The following NTM variants were observed in gnomAD, a reference collection of about 807,000 sequenced individuals.
The protein encoded by NTM is IgLON family member 2.
In NTM, 13 loss-of-function variants were observed where a neutral mutation model predicts 42.1. The observed-to-expected ratio is 0.31, with a 90% CI of 0.20 to 0.49. The LOEUF (loss-of-function observed/expected upper bound fraction) is 0.49, where lower values mean the gene tolerates loss of function less well. NTM is among the 20% of genes least tolerant of loss of function. The pLI is 0.99. For synonymous variants in NTM, 187 were observed against 179.2 expected (o/e 1.04, Z -0.35); for missense variants, 373 against 452.8 (o/e 0.82, Z 1.60).
intron 1 of NTM, among the ~76,000 whole-genome samples, chr11:131,714,614 G>A (rs1034337057): frequency 2.8e-4 from 43 of 152,278 alleles, no homozygotes; most frequent in African/African-American, 8.7e-4. Context: ...CATTCCTGCC[G>A]TAGGGAGTCC....
chr11:131,710,660 A>C (rs1401544346), intron 1 of NTM, among the ~76,000 whole-genome samples: 1 of 152,222 alleles, frequency 6.6e-6, no homozygotes, highest in African/African-American at 2.4e-5. Context: ...GTTGTAAAAA[A>C]AATGCAGACT....
At chr11:132,326,131 AC>A (rs1301434865) in intron 7 of NTM, among the ~76,000 whole-genome samples, 1 of 152,164 alleles carries the variant, frequency 6.6e-6, no homozygotes, top group Non-Finnish European at 1.5e-5. Context: ...ACAAACCTGC[AC>A]ATTGTGCACA....
chr11:131,725,685 G>A (rs1173575973), intron 1 of NTM, among the ~76,000 whole-genome samples: 2 of 152,220 alleles, frequency 1.3e-5, no homozygotes, highest in Non-Finnish European at 2.9e-5. Context: ...GGGAAGCAAT[G>A]CACCTATAGG....
chr11:131,426,905 C>G (rs1482496425), intron 1 of NTM, among the ~76,000 whole-genome samples: 2 of 152,134 alleles, frequency 1.3e-5, no homozygotes, highest in Non-Finnish European at 2.9e-5. Flanking sequence ...GACTTTCTCT[C>G]CAGCCTTAGA....
chr11:131,970,895 T>C (rs2063445545), intron 2 of NTM, among the ~76,000 whole-genome samples: 1 of 152,220 alleles, frequency 6.6e-6, no homozygotes. Flanking sequence ...ACCAAAGCGT[T>C]TCATAAATTT....
intron 1 of NTM, among the ~76,000 whole-genome samples, chr11:131,507,870 G>A (rs1446992874): frequency 1.3e-5 from 2 of 151,556 alleles, no homozygotes; most frequent in Non-Finnish European, 2.9e-5. Flanking sequence ...TCTGTTGTTG[G>A]TGTATAAGAA....
intron 4 of NTM, among the ~76,000 whole-genome samples, chr11:132,252,030 G>C (rs2091992670): frequency 6.6e-6 from 1 of 152,140 alleles, no homozygotes; most frequent in African/African-American, 2.4e-5. Context: ...GTGGCCTTCT[G>C]TTTGGAATGT....
At chr11:131,829,329 G>A (rs2042522369) in intron 1 of NTM, among the ~76,000 whole-genome samples, 1 of 151,990 alleles carries the variant, frequency 6.6e-6, no homozygotes, top group Non-Finnish European at 1.5e-5. Flanking sequence ...ATCAACCTTT[G>A]TACCCCTCCC....
chr11:132,189,087 G>A (rs910227335), intron 3 of NTM, among the ~76,000 whole-genome samples: 2 of 152,190 alleles, frequency 1.3e-5, no homozygotes, highest in African/African-American at 4.8e-5. Flanking sequence ...TGGTGCTGAT[G>A]TTTGATAGTG....
intron 1 of NTM, among the ~76,000 whole-genome samples, chr11:131,521,205 C>T (rs2049612551): frequency 1.3e-5 from 2 of 151,148 alleles, no homozygotes; most frequent in Admixed American, 1.3e-4. Context: ...GTCCCAGCTA[C>T]TTGGGAGGCT....
chr11:131,718,918 G>C (rs1180066550), intron 1 of NTM, among the ~76,000 whole-genome samples: 1 of 152,080 alleles, frequency 6.6e-6, no homozygotes, highest in Non-Finnish European at 1.5e-5. Flanking sequence ...CCTGGTATCA[G>C]TGTCTTGAAA....
intron 1 of NTM, among the ~76,000 whole-genome samples, chr11:131,710,359 G>A (rs1023622811): frequency 5.3e-5 from 8 of 152,204 alleles, no homozygotes; most frequent in Middle Eastern, 3.4e-3. Flanking sequence ...AATATTTAAG[G>A]TGATGCCTCC....
chr11:132,101,556 T>TGTATG, intron 2 of NTM, among the ~76,000 whole-genome samples: 1 of 131,150 alleles, frequency 7.6e-6, no homozygotes, highest in Admixed American at 8.0e-5. Flanking sequence ...GAACACAACC[T>TGTATG]TGTGTGTGTG....
intron 2 of NTM, among the ~76,000 whole-genome samples, chr11:131,918,011 G>A (rs897446609): frequency 3.3e-5 from 5 of 152,234 alleles, no homozygotes; most frequent in African/African-American, 7.2e-5. Flanking sequence ...CATCTAAACC[G>A]TAAGTGCTTT....
At chr11:132,268,599 G>A (rs1240415366) in intron 4 of NTM, among the ~76,000 whole-genome samples, 4 of 151,344 alleles carry the variant, frequency 2.6e-5, no homozygotes, top group Admixed American at 6.6e-5. Context: ...TGGATGTGTG[G>A]AGTGTGGTCT....
chr11:132,290,990 G>A (rs964137422), intron 4 of NTM, among the ~76,000 whole-genome samples: 10 of 152,136 alleles, frequency 6.6e-5, no homozygotes, highest in African/African-American at 2.4e-4. Context: ...AAAATGTGAG[G>A]AAGAAATGAT....
intron 2 of NTM, among the ~76,000 whole-genome samples, chr11:132,123,992 T>G (rs2065256054): frequency 6.6e-6 from 1 of 152,164 alleles, no homozygotes; most frequent in South Asian, 2.1e-4. Context: ...AGTAGCTTTG[T>G]GACCCGAGGC....
At chr11:131,452,714 G>A (rs920729184) in intron 1 of NTM, among the ~76,000 whole-genome samples, 46 of 152,138 alleles carry the variant, frequency 3.0e-4, no homozygotes, top group Admixed American at 2.5e-3. Context: ...ATGGTTCTTG[G>A]TATGAGCCCA....
rs559816587 is a variant in NTM at position 131,990,026 on chromosome 11, T to C, written c.167+78378T>C. Among the ~76,000 whole-genome samples the C allele has an allele frequency of 6.6e-5, 10 of 152,282 alleles. 1 individual carries two copies. In the East Asian group the frequency reaches 1.7e-3, roughly 26 times the overall value. On this transcript the variant is annotated intron_variant, in intron 2 of 8. Coordinates refer to ENST00000683400, the MANE Select transcript of NTM (RefSeq NM_001352005.2). ...AGACATCCATCTATTACTGTTATTATATGTAGCTGGAATTTTGAGACTGGG... is the reference window on the plus strand; with the variant it reads ...AGACATCCATCTATTACTGTTATTACATGTAGCTGGAATTTTGAGACTGGG...
Sources: gnomAD v4.1 joint callset for allele counts (sites outside exome capture counted in the v4.1 genomes callset) on GRCh38, gnomAD v4.1.1 for gene constraint, MANE v1.5 for transcripts, NCBI Gene and HGNC (gene_info 2026-07-23, HGNC 2026-07-21) for gene names.